The following GOLGA6L9 variants were observed in gnomAD, a reference collection of about 807,000 sequenced individuals.
GOLGA6L9 encodes golgin subfamily A member 6-like protein 9.
GOLGA6L9 carries 19 observed loss-of-function variants against 51.3 expected under a neutral mutation model. The ratio of observed to expected loss-of-function variants is 0.37; its 90% CI spans 0.26 to 0.54. The LOEUF (loss-of-function observed/expected upper bound fraction) is 0.54, where lower values mean the gene tolerates loss of function less well. GOLGA6L9 is among the 20% of genes least tolerant of loss of function. The pLI is 0.83. For synonymous variants in GOLGA6L9, 97 were observed against 184.2 expected (o/e 0.53, Z 3.83); for missense variants, 247 against 464.1 (o/e 0.53, Z 4.30).
chr15:82,434,105 C>G lies in GOLGA6L9; in HGVS notation c.505C>G (p.Leu169Val), dbSNP rs1281336750. 1.2e-5 allele frequency: 19 copies of G among 1,522,998 alleles called. No individual in the cohort carries two copies. The Admixed American group carries it at 3.8e-4, about 31-fold the overall frequency. The allele number at this position is 1,522,998 out of a possible 1,614,324, so 94.3% of individuals were successfully genotyped here. A position where few individuals can be genotyped will look rare whatever the true frequency, so the allele number is the denominator to read the frequency against. The part of the protein sequence containing the change: ...MEQLQDETNH[L>V]RKELESVGRQ... ...GCAGCTACAAGATGAGACCAACCAC[C>G]TAAGGAAGGAGCTAGAGAGTGTGGG... The change falls in exon 6 of 9, where the codon CTA becomes GTA. Residue 169 changes from leucine (L) to valine (V), a missense_variant. Physicochemically the swap from Leu to Val is conservative, Grantham distance 32. This residue lies in a region of GOLGA6L9 where 25 missense variants were observed against 49.6 expected (regional missense o/e 0.50). Transcript: ENST00000618348.
At chr15:82,431,568 G>A in intron 1 of GOLGA6L9, 1 of 279,010 alleles carries the variant, frequency 3.6e-6, no homozygotes. Context: ...GGAAGCTGCT[G>A]ATTCATGGCA....
rs1380418164 is a variant in GOLGA6L9 at position 82,437,690 on chromosome 15, AC to A, written c.*1280del. 6.8e-6 allele frequency: 1 copy of A among 147,006 alleles called. No individual in the cohort carries two copies. Among genetic ancestry groups the A allele is most frequent in the East Asian group, 2.0e-4 (1 of 5,114 alleles). The allele number at this position is 147,006 out of a possible 1,614,324, so 9.1% of individuals were successfully genotyped here. On this transcript the variant is annotated 3_prime_UTR_variant, in exon 9 of 9. Coordinates refer to ENST00000618348, the MANE Select transcript of GOLGA6L9 (RefSeq NM_198181.4). The stretch of plus-strand genomic sequence containing the variant: ...AAAATAATAACAAACATTATTATAA[AC>A]TAATATATGTGAGAGTACTTAGTTG...
chr15:82,418,368 GAGCC>G, the GOLGA6L9 span, among the ~76,000 whole-genome samples: 27 of 152,308 alleles, frequency 1.8e-4, no homozygotes, highest in Admixed American at 1.5e-3. Flanking sequence ...GGTGTGGGCA[GAGCC>G]CCGGAGGACA....
At position 82,434,226 on chromosome 15, in the gene GOLGA6L9, G is replaced by T; in HGVS notation, c.626G>T (p.Arg209Leu). The change falls in exon 6 of 9, where the codon CGT becomes CTT. Residue 209 changes from arginine (R) to leucine (L), a missense_variant. By Grantham distance (102) the Arg-to-Leu change is moderately radical (BLOSUM62 -2). Coordinates refer to ENST00000618348, the MANE Select transcript of GOLGA6L9 (RefSeq NM_198181.4). ...ERLREQEERL[R>L]EQEERLCEQE... ...CTACGTGAACAGGAGGAGAGGCTAC[G>T]TGAACAGGAGGAGAGGCTGTGTGAA... 1.3e-6 allele frequency: 2 copies of T among 1,535,806 alleles called. No homozygotes were observed. Among genetic ancestry groups the T allele is most frequent in the African/African-American group, 1.4e-5 (1 of 70,768 alleles).
upstream of GOLGA6L9, among the ~76,000 whole-genome samples, chr15:82,428,287 CTT>C (rs1175502019): frequency 7.0e-6 from 1 of 143,690 alleles, no homozygotes; most frequent in Non-Finnish European, 1.5e-5. Context: ...TTTTTTAAAA[CTT>C]GAGATGTAAG....
chr15:82,434,325 T>C lies in GOLGA6L9; in HGVS notation c.725T>C (p.Leu242Pro). 6.5e-7 allele frequency: 1 copy of C among 1,539,374 alleles called. No homozygotes were observed. Among genetic ancestry groups the C allele is most frequent in the Non-Finnish European group, 8.7e-7 (1 of 1,148,546 alleles). The change falls in exon 6 of 9, where the codon CTG (leucine) becomes CCG (proline). Residue 242 changes from leucine (L) to proline (P), a missense_variant. Transcript: ENST00000618348. ...GAGAGGCTGTGTGAACAGGAGAAGC[T>C]GCCAGGGCAGGAGAGGCTGCTGGAA... Reference protein sequence around the residue: ...QEERLCEQEKLPGQERLLEEV... With the variant: ...QEERLCEQEKPPGQERLLEEV...
At chr15:82,420,294 CTT>C in the GOLGA6L9 span, among the ~76,000 whole-genome samples, 1 of 151,610 alleles carries the variant, frequency 6.6e-6, no homozygotes, top group Non-Finnish European at 1.5e-5. Context: ...ATTGTTTAGT[CTT>C]TGTTATATTT....
chr15:82,432,511 CAG>C (rs1174853603), intron 2 of GOLGA6L9, 59 bp from the exon 3 acceptor site: 1 of 1,580,078 alleles, frequency 6.3e-7, no homozygotes, highest in African/African-American at 1.3e-5. Context: ...GAAAGGAAGT[CAG>C]AGGGCTTAGA....
chr15:82,434,297 G>T lies in GOLGA6L9; in HGVS notation c.697G>T (p.Glu233Ter). 1.3e-6 allele frequency: 2 copies of T among 1,549,546 alleles called. No individual in the cohort carries two copies. ...CEQEERLREQ[E>*]ERLCEQEKLP... ...ACAGGAGGAGAGGCTACGTGAACAG[G>T]AGGAGAGGCTGTGTGAACAGGAGAA... The change falls in exon 6 of 9, where the codon GAG becomes TAG. Residue 233 changes from glutamate (E) to a stop codon, truncating the protein, a stop_gained. Transcript: ENST00000618348. LOFTEE classifies it high-confidence loss of function.
the GOLGA6L9 span, among the ~76,000 whole-genome samples, chr15:82,420,233 A>T: frequency 6.6e-6 from 1 of 152,246 alleles, no homozygotes; most frequent in Non-Finnish European, 1.5e-5. Context: ...ATATAGAAGT[A>T]TAAGAAAATT....
Position 82,429,959 on chromosome 15 carries a change from T to G in GOLGA6L9, c.-121T>G, listed in dbSNP as rs1168098674. 8 of 1,100,584 alleles carry G rather than the reference T, an allele frequency of 7.3e-6. No homozygotes were observed. Among genetic ancestry groups the G allele is most frequent in the Non-Finnish European group, 1.1e-5 (8 of 719,176 alleles). 68.2% of individuals were successfully genotyped at this position (1,100,584 alleles called of 1,614,324 possible). On this transcript the variant is annotated 5_prime_UTR_variant, in exon 1 of 9. Transcript: ENST00000618348. Reference sequence around the variant, plus strand: ...CTCACTGACCAATGGGCTTGGAACATTAAGGCCACGCCCCTATTCTGCGTT... The same window carrying G: ...CTCACTGACCAATGGGCTTGGAACAGTAAGGCCACGCCCCTATTCTGCGTT...
chr15:82,434,305 GC>G lies in GOLGA6L9; in HGVS notation c.706del (p.Leu236CysfsTer21), dbSNP rs2031562905. ...EERLREQEER[L>X]CEQEKLPGQE... ...AGAGGCTACGTGAACAGGAGGAGAGGCTGTGTGAACAGGAGAAGCTGCCAGG... is the reference window on the plus strand; with the variant it reads ...AGAGGCTACGTGAACAGGAGGAGAGGTGTGTGAACAGGAGAAGCTGCCAGG... On this transcript the variant is annotated frameshift_variant, in exon 6 of 9. Transcript: ENST00000618348. LOFTEE classifies it high-confidence loss of function. The G allele has an allele frequency of 6.5e-7, 1 of 1,547,368 alleles. No individual in the cohort carries two copies. Among genetic ancestry groups the G allele is most frequent in the Admixed American group, 1.9e-5 (1 of 52,002 alleles).
chr15:82,418,767 G>T, the GOLGA6L9 span: 33,022 of 152,162 alleles, frequency 0.22, 4,551 homozygotes, highest in South Asian at 0.39. Flanking sequence ...CCATGAAACC[G>T]TGCAGATGTT....
rs1333949773 is a variant in GOLGA6L9, at chr15:82,438,437, C to G, written c.*2026C>G. 1 of 150,776 alleles carries G rather than the reference C, an allele frequency of 6.6e-6. No individual in the cohort carries two copies. The highest frequency in any genetic ancestry group is 1.5e-5 in the Non-Finnish European group (1 of 67,484). 9.3% of individuals were successfully genotyped at this position (150,776 alleles called of 1,614,324 possible). A position where few individuals can be genotyped will look rare whatever the true frequency, so the allele number is the denominator to read the frequency against. On this transcript the variant is annotated 3_prime_UTR_variant, in exon 9 of 9. Coordinates refer to ENST00000618348, the MANE Select transcript of GOLGA6L9 (RefSeq NM_198181.4). ...GAGAATGGAAATCCTATGACAATAA[C>G]TATGACAATAACTATGACAAGTCTT...
the GOLGA6L9 span, chr15:82,419,894 T>TAC: frequency 4.6e-6 from 1 of 217,200 alleles, no homozygotes; most frequent in South Asian, 9.2e-5. Flanking sequence ...TCTGCTACTG[T>TAC]TAAGTTATAT....
At chr15:82,429,779 G>A (rs1266608548), upstream of GOLGA6L9, among the ~76,000 whole-genome samples, 2 of 152,106 alleles carry the variant, frequency 1.3e-5, no homozygotes, top group African/African-American at 4.8e-5. Context: ...AGCTTTTAAA[G>A]CAAAAGCCAG....
At chr15:82,429,432 TAAC>T (rs1268651409), upstream of GOLGA6L9, among the ~76,000 whole-genome samples, 10,432 of 152,180 alleles carry the variant, frequency 0.069, 558 homozygotes, top group African/African-American at 0.13. Context: ...AAAGAAATCT[TAAC>T]AATAATGTAG....
At chr15:82,419,784 A>G in the GOLGA6L9 span, among the ~76,000 whole-genome samples, 5 of 152,242 alleles carry the variant, frequency 3.3e-5, no homozygotes, top group African/African-American at 1.2e-4. Flanking sequence ...TAATTTGTTC[A>G]TGTTGGGCAC....
At chr15:82,429,545 A>C (rs1158457482), upstream of GOLGA6L9, among the ~76,000 whole-genome samples, 57 of 152,280 alleles carry the variant, frequency 3.7e-4, 1 homozygote, top group Admixed American at 2.2e-3. Flanking sequence ...AATCATCAAG[A>C]ATGCTATGGA....
Sources: gnomAD v4.1 joint callset for allele counts (sites outside exome capture counted in the v4.1 genomes callset) on GRCh38, gnomAD v4.1.1 for gene constraint, gnomAD v4.1.1 regional missense constraint, MANE v1.5 for transcripts, NCBI Gene and HGNC (gene_info 2026-07-23, HGNC 2026-07-21) for gene names.